Variants in DIP2C observed in about 807,000 individuals in gnomAD.
DIP2C encodes the protein disco-interacting protein 2 homolog C.
DIP2C carries 33 observed loss-of-function variants against 192.4 expected under a neutral mutation model. That is an observed-to-expected ratio of 0.17 (90% confidence interval 0.13 to 0.23). The LOEUF (loss-of-function observed/expected upper bound fraction) is 0.23. DIP2C is among the 10% of genes least tolerant of loss of function. DIP2C has a pLI of 1.00. For synonymous variants in DIP2C, 979 were observed against 864.1 expected (o/e 1.13, Z -2.33); for missense variants, 1,537 against 2,110.1 (o/e 0.73, Z 5.32).
At chr10:512,640 G>A (rs957009378) in intron 1 of DIP2C, among the ~76,000 whole-genome samples, 2 of 152,014 alleles carry the variant, frequency 1.3e-5, no homozygotes, top group Non-Finnish European at 2.9e-5. Context: ...AGCTGGCCGG[G>A]CAGTGGCTCA....
At chr10:400,532 AGCAC>A (rs1271699020) in intron 9 of DIP2C, among the ~76,000 whole-genome samples, 2 of 152,188 alleles carry the variant, frequency 1.3e-5, no homozygotes, top group African/African-American at 4.8e-5. Flanking sequence ...CATTTTCATC[AGCAC>A]ATGAATCCTG....
chr10:513,470 G>A (rs540745725), intron 1 of DIP2C, among the ~76,000 whole-genome samples: 103 of 152,024 alleles, frequency 6.8e-4, no homozygotes, highest in South Asian at 1.5e-3. Context: ...ACTGCGGCCC[G>A]CGCCTCTCCT....
At chr10:487,703 G>T (rs892043462) in intron 1 of DIP2C, among the ~76,000 whole-genome samples, 28 of 147,490 alleles carry the variant, frequency 1.9e-4, no homozygotes, top group African/African-American at 7.1e-4. Flanking sequence ...TCAGCCTCCC[G>T]AGTAGCTGAG....
chr10:313,626 A>C (rs1308341169), intron 31 of DIP2C, among the ~76,000 whole-genome samples: 1 of 152,244 alleles, frequency 6.6e-6, no homozygotes, highest in Non-Finnish European at 1.5e-5. Context: ...GTTCTATGCA[A>C]ATGCTGCGCC....
intron 32 of DIP2C, 80 bp downstream of exon 32, chr10:309,951 T>G (rs1956500025): frequency 1.5e-6 from 2 of 1,378,698 alleles, no homozygotes; most frequent in Admixed American, 3.5e-5. Context: ...CACCTCTTCT[T>G]CTAGATGGAG....
chr10:313,539 A>G (rs1479645359), intron 31 of DIP2C, among the ~76,000 whole-genome samples: 1 of 152,234 alleles, frequency 6.6e-6, no homozygotes, highest in Non-Finnish European at 1.5e-5. Flanking sequence ...CAGTACAACT[A>G]TTTACACAGC....
intron 1 of DIP2C, among the ~76,000 whole-genome samples, chr10:550,256 C>T (rs530799085): frequency 9.2e-4 from 140 of 152,194 alleles, no homozygotes; most frequent in African/African-American, 2.3e-3. Flanking sequence ...GTGATCCACC[C>T]GCCTTGACCT....
intron 29 of DIP2C, among the ~76,000 whole-genome samples, chr10:335,393 TCAGAAAAC>T (rs765635101): frequency 4.1e-4 from 62 of 152,174 alleles, no homozygotes; most frequent in Non-Finnish European, 6.8e-4. Flanking sequence ...GCCATCAAAA[TCAGAAAAC>T]CAACGCATTC....
chr10:485,094 G>A, intron 2 of DIP2C: 1 of 1,091,806 alleles, frequency 9.2e-7, no homozygotes, highest in Non-Finnish European at 1.3e-6. Flanking sequence ...TCTGCGCCCG[G>A]CTAAGGCCAG....
chr10:344,394 C>CG (rs1286367165), intron 28 of DIP2C, among the ~76,000 whole-genome samples: 22 of 1,018 alleles, frequency 0.022, no homozygotes, highest in Admixed American at 0.062. Flanking sequence ...GGGGCGGGGG[C>CG]GGGGCGGGGG....
At chr10:352,638 C>T (rs1001794846) in intron 24 of DIP2C, among the ~76,000 whole-genome samples, 1 of 152,164 alleles carries the variant, frequency 6.6e-6, no homozygotes, top group African/African-American at 2.4e-5. Flanking sequence ...ACCAGGTGGG[C>T]GCCTTTCTTG....
At chr10:548,911 C>CCAAAAAAAAAAAAAA (rs1348217783) in intron 1 of DIP2C, among the ~76,000 whole-genome samples, 1 of 26,462 alleles carries the variant, frequency 3.8e-5, no homozygotes, top group African/African-American at 1.3e-4. Context: ...TAGCAGCTCA[C>CCAAAAAAAAAAAAAA]AAAAAAAAAA....
In DIP2C at chr10:524,967, C is replaced by CAAAA. The variant is rs10652748; in HGVS notation, c.86-38441_86-38438dup. 1.9e-3 allele frequency among the ~76,000 whole-genome samples: 210 copies of CAAAA among 111,168 alleles called. 7 individuals are homozygous for CAAAA. The highest frequency in any genetic ancestry group is 8.1e-3 in the African/African-American group (175 of 21,606). The allele number at this position is 111,168 out of a possible 152,430, so 72.9% of individuals were successfully genotyped here. On this transcript the variant is annotated intron_variant, in intron 1 of 36. Coordinates refer to ENST00000280886, the MANE Select transcript of DIP2C (RefSeq NM_014974.3). Reference sequence around the variant, plus strand: ...ACACAGTTTAAGACAATCACAATTTCAAAAAAAAAAAAAAAAGAATCACAT... The same window carrying CAAAA: ...ACACAGTTTAAGACAATCACAATTTCAAAAAAAAAAAAAAAAAAAAGAATCACAT...
intron 1 of DIP2C, among the ~76,000 whole-genome samples, chr10:585,692 C>CA (rs1850979820): frequency 6.6e-6 from 1 of 152,130 alleles, no homozygotes. Context: ...CTCTGGGAAC[C>CA]ACCACTCTGC....
chr10:333,110 C>T (rs555278231), intron 29 of DIP2C, among the ~76,000 whole-genome samples: 2 of 152,290 alleles, frequency 1.3e-5, no homozygotes, highest in East Asian at 3.9e-4. Flanking sequence ...ATCATGTTGG[C>T]CAGGCTGGTC....
chr10:392,621 G>C (rs1002156699), intron 10 of DIP2C, among the ~76,000 whole-genome samples: 3 of 152,288 alleles, frequency 2.0e-5, no homozygotes, highest in Admixed American at 2.0e-4. Context: ...GCCCTGGCCA[G>C]TGTGCTCAGA....
At chr10:415,966 G>A in intron 6 of DIP2C, 78 bp from the exon 7 acceptor site, 2 of 1,592,288 alleles carry the variant, frequency 1.3e-6, no homozygotes, top group Non-Finnish European at 1.7e-6. Context: ...CAGTCCCACA[G>A]CCCCCTCCCC....
intron 1 of DIP2C, among the ~76,000 whole-genome samples, chr10:614,126 T>C (rs1853283902): frequency 6.6e-6 from 1 of 152,166 alleles, no homozygotes; most frequent in South Asian, 2.1e-4. Flanking sequence ...CGCTGCATTC[T>C]CTTTGCCATG....
At position 603,326 on chromosome 10, in the gene DIP2C, AAAAAAAAC is replaced by A. The variant is rs1204133778; in HGVS notation, c.85+86160_85+86167del. ...AAAAAAAAAAAAAAAAAAAAAAAAA[AAAAAAAAC>A]CAACCATGAGATTTTGCTGCTTCAT... On this transcript the variant is annotated intron_variant, in intron 1 of 36. Transcript: ENST00000280886. 3.1e-4 allele frequency among the ~76,000 whole-genome samples: 42 copies of A among 136,484 alleles called. 1 individual carries two copies. Among genetic ancestry groups the A allele is most frequent in the African/African-American group, 9.9e-4 (32 of 32,384 alleles). The allele number at this position is 136,484 out of a possible 152,430, so 89.5% of individuals were successfully genotyped here.
Sources: gnomAD v4.1 joint callset for allele counts (sites outside exome capture counted in the v4.1 genomes callset) on GRCh38, gnomAD v4.1.1 for gene constraint, MANE v1.5 for transcripts, NCBI Gene and HGNC (gene_info 2026-07-23, HGNC 2026-07-21) for gene names.